Variants in SHANK2 observed in about 807,000 individuals in gnomAD.
SHANK2 encodes the protein SH3 and multiple ankyrin repeat domains 2.
In SHANK2, 43 loss-of-function variants were observed where a neutral mutation model predicts 133.7. The ratio of observed to expected loss-of-function variants is 0.32; its 90% confidence interval spans 0.25 to 0.41. The LOEUF (loss-of-function observed/expected upper bound fraction) is 0.41. Ranked by LOEUF, SHANK2 falls within the 10% of genes least tolerant of loss-of-function variation. SHANK2 has a pLI of 1.00. For synonymous variants in SHANK2, 1,017 were observed against 952.8 expected (o/e 1.07, Z -1.24); for missense variants, 1,994 against 2,235.8 (o/e 0.89, Z 2.18).
chr11:70,953,792 G>C (rs1309004187), intron 10 of SHANK2, among the ~76,000 whole-genome samples: 1 of 152,152 alleles, frequency 6.6e-6, no homozygotes, highest in Admixed American at 6.5e-5. Flanking sequence ...ATCCCTGCGG[G>C]CATCCCTCAA....
intron 10 of SHANK2, among the ~76,000 whole-genome samples, chr11:70,911,356 A>AAAAAAAACAAAAAAAC (rs372963914): frequency 5.0e-4 from 76 of 151,488 alleles, no homozygotes; most frequent in Non-Finnish European, 8.4e-4. Flanking sequence ...ACTCCATCTC[A>AAAAAAAACAAAAAAAC]AAAAAAACAA....
chr11:70,950,140 C>T (rs1950811474), intron 10 of SHANK2: 2 of 456,076 alleles, frequency 4.4e-6, no homozygotes, highest in South Asian at 3.1e-5. Flanking sequence ...CTCACTGCAA[C>T]CTCTGTCTCC....
At chr11:71,065,978 G>T (rs1951051207) in intron 9 of SHANK2, among the ~76,000 whole-genome samples, 1 of 135,116 alleles carries the variant, frequency 7.4e-6, no homozygotes, top group Non-Finnish European at 1.6e-5. Flanking sequence ...CAGTGAGTGG[G>T]GAAGTTGGGA....
intron 3 of SHANK2, among the ~76,000 whole-genome samples, chr11:71,131,269 G>A (rs1177258919): frequency 3.2e-4 from 48 of 152,192 alleles, no homozygotes; most frequent in African/African-American, 1.1e-3. Context: ...CTAAAACCCC[G>A]GCACGGGTAA....
At chr11:71,084,070 T>G (rs1226206469) in intron 8 of SHANK2, among the ~76,000 whole-genome samples, 2 of 151,662 alleles carry the variant, frequency 1.3e-5, no homozygotes, top group Non-Finnish European at 2.9e-5. Context: ...CCTGGGTTCA[T>G]GCCATTCTCC....
intron 10 of SHANK2, among the ~76,000 whole-genome samples, chr11:70,929,892 C>T (rs545787036): frequency 6.6e-6 from 1 of 152,230 alleles, no homozygotes; most frequent in East Asian, 1.9e-4. Flanking sequence ...TGCCACAGAC[C>T]GTCACTGAAA....
At chr11:71,064,661 TGGGGACAAGAGGGGTGGA>T (rs1240867326) in intron 9 of SHANK2, among the ~76,000 whole-genome samples, 1 of 133,242 alleles carries the variant, frequency 7.5e-6, no homozygotes, top group Non-Finnish European at 1.6e-5. Context: ...AGAAGGGTGG[TGGGGACAAGAGGGGTGGA>T]GGGGACAAGA....
At chr11:71,151,155 G>C (rs1265772590) in intron 2 of SHANK2, among the ~76,000 whole-genome samples, 1 of 152,106 alleles carries the variant, frequency 6.6e-6, no homozygotes, top group African/African-American at 2.4e-5. Context: ...CAGCTCACCC[G>C]CCCCATCAGC....
At chr11:70,782,184 C>T (rs868986368) in intron 14 of SHANK2, among the ~76,000 whole-genome samples, 7 of 152,202 alleles carry the variant, frequency 4.6e-5, no homozygotes, top group South Asian at 2.1e-4. Context: ...CCTGCCTCAG[C>T]CTCCTGAGTA....
At chr11:71,200,622 C>CT (rs1450085240) in intron 2 of SHANK2, among the ~76,000 whole-genome samples, 11 of 152,104 alleles carry the variant, frequency 7.2e-5, no homozygotes, top group African/African-American at 1.4e-4. Context: ...CTACATTTAA[C>CT]TTTTTTTAGG....
chr11:71,167,244 C>A (rs1339439932), intron 2 of SHANK2, among the ~76,000 whole-genome samples: 39 of 152,216 alleles, frequency 2.6e-4, no homozygotes, highest in Admixed American at 2.5e-3. Context: ...ACCTTTCCCC[C>A]CTTTCTATTC....
At chr11:70,790,811 C>T (rs782037337) in intron 14 of SHANK2, among the ~76,000 whole-genome samples, 1 of 152,232 alleles carries the variant, frequency 6.6e-6, no homozygotes, top group African/African-American at 2.4e-5. Context: ...GCATCTGCAG[C>T]ATCCAGGTTC....
chr11:71,129,850 G>A (rs1332181513), intron 3 of SHANK2, among the ~76,000 whole-genome samples: 3 of 152,200 alleles, frequency 2.0e-5, no homozygotes, highest in East Asian at 3.9e-4. Flanking sequence ...TCGGGCTGCT[G>A]TGGCAAAGCA....
chr11:70,939,074 C>A (rs1950609807), intron 10 of SHANK2, among the ~76,000 whole-genome samples: 1 of 152,116 alleles, frequency 6.6e-6, no homozygotes, highest in Non-Finnish European at 1.5e-5. Context: ...AGGGAGATGA[C>A]AGACCCTAAG....
Position 70,774,284 on chromosome 11 carries a change from T to C in SHANK2, c.1777+24159A>G, listed in dbSNP as rs1410083183. Among the ~76,000 whole-genome samples, 19 of 151,990 alleles carry C rather than the reference T, an allele frequency of 1.3e-4. 1 individual carries two copies. The highest frequency in any genetic ancestry group is 1.2e-3 in the Admixed American group (19 of 15,250). On this transcript the variant is annotated intron_variant, in intron 14 of 25. Coordinates refer to ENST00000601538, the MANE Select transcript of SHANK2 (RefSeq NM_012309.5). ...CTAGATTGAGAAAGTGGAGTCATGG[T>C]TGCCAGGGCTCCGGTAAAGGGGAAA...
intron 17 of SHANK2, among the ~76,000 whole-genome samples, chr11:70,550,487 T>TGAAA (rs2059750708): frequency 6.6e-6 from 1 of 152,150 alleles, no homozygotes; most frequent in African/African-American, 2.4e-5. Context: ...ACCAGGGTCT[T>TGAAA]TCTATTCAAG....
intron 2 of SHANK2, among the ~76,000 whole-genome samples, chr11:71,180,042 G>A (rs781798211): frequency 1.1e-4 from 16 of 152,168 alleles, no homozygotes; most frequent in South Asian, 2.1e-4. Flanking sequence ...AGGACATCCC[G>A]GGAGCTGACA....
chr11:71,145,065 A>G (rs1952618757), intron 3 of SHANK2, among the ~76,000 whole-genome samples: 1 of 152,208 alleles, frequency 6.6e-6, no homozygotes, highest in South Asian at 2.1e-4. Flanking sequence ...GAGGCATTAA[A>G]TAATATAGGA....
chr11:70,871,516 C>G (rs540276311), intron 11 of SHANK2, among the ~76,000 whole-genome samples: 49 of 152,344 alleles, frequency 3.2e-4, no homozygotes, highest in African/African-American at 1.1e-3. Flanking sequence ...TGCCATGGAG[C>G]CTGTGAGCCC....
Sources: gnomAD v4.1 joint callset for allele counts (sites outside exome capture counted in the v4.1 genomes callset) on GRCh38, gnomAD v4.1.1 for gene constraint, MANE v1.5 for transcripts, NCBI Gene and HGNC (gene_info 2026-07-23, HGNC 2026-07-21) for gene names.